SLC33A1: variants seen among roughly 807,000 people sequenced by gnomAD.
SLC33A1 encodes acetyl-coenzyme A transporter 1.
A neutral mutation model predicts 50.0 loss-of-function variants in SLC33A1; 20 were observed. That is an observed-to-expected ratio of 0.40 (90% CI 0.28 to 0.58). The LOEUF is 0.58. Ranked by LOEUF, SLC33A1 falls within the 20% of genes least tolerant of loss-of-function variation. The probability of loss-of-function intolerance (pLI) is 0.44; values close to 1 mark genes in which losing one functional copy is unlikely to be tolerated. For missense variants in SLC33A1, 476 were observed against 657.0 expected (o/e 0.72, Z 3.01); for synonymous variants, 265 against 251.8 (o/e 1.05, Z -0.50).
intron 2 of SLC33A1, among the ~76,000 whole-genome samples, chr3:155,842,077 A>C (rs1206185324): frequency 1.3e-5 from 2 of 152,170 alleles, no homozygotes; most frequent in African/African-American, 2.4e-5. Flanking sequence ...ACTCTTAGTA[A>C]ATAATTGTAT....
intron 2 of SLC33A1, among the ~76,000 whole-genome samples, chr3:155,836,981 T>C (rs1157642882): frequency 2.6e-5 from 4 of 152,198 alleles, no homozygotes; most frequent in African/African-American, 4.8e-5. Flanking sequence ...CATGAAAAGA[T>C]GCTCAATTTC....
chr3:155,853,077 G>A (rs1753465372), intron 1 of SLC33A1, 146 bp downstream of exon 1: 1 of 709,214 alleles, frequency 1.4e-6, no homozygotes, highest in South Asian at 1.8e-5. Context: ...ATATTTCAAA[G>A]AAGCTCATTT....
chr3:155,821,179 ATAAC>A lies in SLC33A1; in HGVS notation c.*7027_*7030del, dbSNP rs1270319982. Reference sequence around the variant, plus strand: ...ACATCTTTTAATAAATTAACCAAATATAACTAACAGTTCAGATATACTCAAAACA... The same window carrying A: ...ACATCTTTTAATAAATTAACCAAATATAACAGTTCAGATATACTCAAAACA... On this transcript the variant is annotated 3_prime_UTR_variant, in exon 6 of 6. Transcript: ENST00000643144. The A allele has an allele frequency of 6.6e-6, 1 of 152,250 alleles. No homozygotes were observed. The highest frequency in any genetic ancestry group is 2.4e-5 in the African/African-American group (1 of 41,470). 9.4% of individuals were successfully genotyped at this position (152,250 alleles called of 1,614,324 possible). A position where few individuals can be genotyped will look rare whatever the true frequency, so the allele number is the denominator to read the frequency against.
chr3:155,853,830 G>A lies in SLC33A1; in HGVS notation c.168C>T (p.Thr56=). The change falls in exon 1 of 6, where the codon ACC becomes ACT. Residue 56 remains threonine, a synonymous_variant. Transcript: ENST00000643144. ...EGDREALLGD[T]GTGDFLKAPQ... ...GGGCTTTTAAGAAGTCGCCAGTGCC[G>A]GTATCCCCCAGAAGAGCTTCTCTGT... The A allele has an allele frequency of 6.2e-7, 1 of 1,608,734 alleles. No homozygotes were observed. Among genetic ancestry groups the A allele is most frequent in the Non-Finnish European group, 8.5e-7 (1 of 1,176,862 alleles).
rs902174265 is a variant in SLC33A1 at position 155,854,109 on chromosome 3, G to T, written c.-112C>A. The stretch of plus-strand genomic sequence containing the variant: ...TGGACCAGGGTTTCGGTGGTTCACG[G>T]GATGGTGGCAGGGCTCAGAGCGATA... On this transcript the variant is annotated 5_prime_UTR_variant, in exon 1 of 6. Coordinates refer to ENST00000643144, the MANE Select transcript of SLC33A1 (RefSeq NM_004733.4). 11 of 844,782 alleles carry T rather than the reference G, an allele frequency of 1.3e-5. No homozygotes were observed. Among genetic ancestry groups the T allele is most frequent in the South Asian group, 2.1e-5 (1 of 47,796 alleles). 52.3% of individuals were successfully genotyped at this position (844,782 alleles called of 1,614,324 possible). A position where few individuals can be genotyped will look rare whatever the true frequency, so the allele number is the denominator to read the frequency against.
rs1440223335 is a variant in SLC33A1 at position 155,830,052 on chromosome 3, T to C, written c.1267-149A>G. The C allele has an allele frequency of 7.8e-6, 5 of 641,990 alleles. No homozygotes were observed. In the East Asian group the frequency reaches 1.1e-4, roughly 14 times the overall value. The allele number at this position is 641,990 out of a possible 1,614,324, so 39.8% of individuals were successfully genotyped here. On this transcript the variant is annotated intron_variant, in intron 4 of 5. Transcript: ENST00000643144. ...ACAAATACTTATCAAGCACCTACTA[T>C]AGGCCAGGCTTTAAGATCACAGCAA...
intron 1 of SLC33A1, chr3:155,842,956 G>T: frequency 6.8e-6 from 1 of 146,602 alleles, no homozygotes; most frequent in Non-Finnish European, 1.3e-5. Flanking sequence ...AGCTGTGATT[G>T]TACCACTGCA....
rs1752196176 is a variant in SLC33A1 at position 155,826,322 on chromosome 3, G to A, written c.*1888C>T. 1.3e-5 allele frequency: 2 copies of A among 151,840 alleles called. No individual in the cohort carries two copies. The allele number at this position is 151,840 out of a possible 1,614,324, so 9.4% of individuals were successfully genotyped here. ...GAATCACTTGAACCCAGGAGGCAGA[G>A]GTTGCAGTGAGCCGAGATTGCACCA... On this transcript the variant is annotated 3_prime_UTR_variant, in exon 6 of 6. Coordinates refer to ENST00000643144, the MANE Select transcript of SLC33A1 (RefSeq NM_004733.4).
chr3:155,850,577 G>A (rs955683955), intron 1 of SLC33A1, among the ~76,000 whole-genome samples: 1 of 151,838 alleles, frequency 6.6e-6, no homozygotes, highest in Non-Finnish European at 1.5e-5. Flanking sequence ...GTTCCCTAAT[G>A]GATCAAAATT....
chr3:155,825,525 T>C lies in SLC33A1; in HGVS notation c.*2685A>G, dbSNP rs898988665. On this transcript the variant is annotated 3_prime_UTR_variant, in exon 6 of 6. Transcript: ENST00000643144. ...TATGATTGCATCACTGTACTCCAGC[T>C]TGGGCAAAAGTGAGACCATGTCTCT... The C allele has an allele frequency of 6.6e-6, 1 of 152,040 alleles. No individual in the cohort carries two copies. Among genetic ancestry groups the C allele is most frequent in the Non-Finnish European group, 1.5e-5 (1 of 68,036 alleles). 9.4% of individuals were successfully genotyped at this position (152,040 alleles called of 1,614,324 possible).
intron 4 of SLC33A1, 55 bp from the exon 5 acceptor site, chr3:155,829,958 G>A: frequency 8.6e-7 from 1 of 1,157,064 alleles, no homozygotes; most frequent in Non-Finnish European, 1.3e-6. Flanking sequence ...TAAAGCTACA[G>A]TCTAAATTAA....
At chr3:155,849,243 A>G (rs1170749485) in intron 1 of SLC33A1, among the ~76,000 whole-genome samples, 1 of 152,032 alleles carries the variant, frequency 6.6e-6, no homozygotes, top group Non-Finnish European at 1.5e-5. Flanking sequence ...AAAAAAAGAA[A>G]ACAATTACGC....
intron 4 of SLC33A1, among the ~76,000 whole-genome samples, chr3:155,831,338 C>T (rs1218286942): frequency 4.6e-5 from 7 of 151,668 alleles, no homozygotes; most frequent in Admixed American, 3.3e-4. Context: ...CATCTGTAAT[C>T]CCAGCTACTT....
chr3:155,843,293 G>A (rs1484267390), intron 1 of SLC33A1, among the ~76,000 whole-genome samples: 1 of 152,058 alleles, frequency 6.6e-6, no homozygotes, highest in Non-Finnish European at 1.5e-5. Flanking sequence ...ATATACCCAA[G>A]CCTTTTCAGT....
intron 1 of SLC33A1, among the ~76,000 whole-genome samples, chr3:155,852,252 G>A (rs893247134): frequency 1.3e-5 from 2 of 152,058 alleles, no homozygotes; most frequent in African/African-American, 4.8e-5. Flanking sequence ...GAGGCCAGGA[G>A]TTCAAGACCA....
At chr3:155,842,698 C>T in intron 1 of SLC33A1, 79 bp from the exon 2 acceptor site, 1 of 809,682 alleles carries the variant, frequency 1.2e-6, no homozygotes, top group South Asian at 1.9e-5. Flanking sequence ...TATACAATAA[C>T]TTTCAATTAA....
In SLC33A1 at chr3:155,853,906, G is replaced by A. The variant is rs749518508; in HGVS notation, c.92C>T (p.Pro31Leu). The change falls in exon 1 of 6, where the codon CCG becomes CTG. Residue 31 changes from proline (P) to leucine (L), a missense_variant. Pro to Leu is a moderately conservative substitution (Grantham distance 98). Transcript: ENST00000643144. ...ATGACTGTCATCCCAACCGCCTGGC[G>A]GCAGGGGACCGCTCTTCATATCCAG... ...HSLDMKSGPL[P>L]PGGWDDSHLD... The A allele has an allele frequency of 1.9e-5, 30 of 1,545,138 alleles. No homozygotes were observed. The highest frequency in any genetic ancestry group is 2.6e-5 in the Non-Finnish European group (30 of 1,149,392).
chr3:155,844,441 ATATATATATATATATATTTTTTTTTTT>A (rs1441582247), intron 1 of SLC33A1, among the ~76,000 whole-genome samples: 1 of 5,604 alleles, frequency 1.8e-4, no homozygotes, highest in African/African-American at 5.1e-4. Context: ...ATATATATAT[ATATATATATATATATATTTTTTTTTTT>A]TTTTTTTTTT....
intron 1 of SLC33A1, 60 bp downstream of exon 1, chr3:155,853,163 G>A: frequency 6.9e-7 from 1 of 1,448,332 alleles, no homozygotes; most frequent in Non-Finnish European, 9.7e-7. Context: ...TCCCTCCAAC[G>A]TCACACACTC....
Sources: allele counts gnomAD v4.1 joint callset (sites outside exome capture counted in the v4.1 genomes callset), GRCh38; gene constraint gnomAD v4.1.1; transcripts MANE v1.5; gene names NCBI Gene and HGNC (gene_info 2026-07-23, HGNC 2026-07-21).